The following RPL15 variants were observed in gnomAD, a reference collection of about 807,000 sequenced individuals.
RPL15 encodes the protein ribosomal protein L15, also known as large ribosomal subunit protein eL15.
For synonymous variants in RPL15, 97 were observed against 95.1 expected (o/e 1.02, Z -0.12); for missense variants, 161 against 271.8 (o/e 0.59, Z 2.87).
chr3:23,918,272 G>C, intron 2 of RPL15, 168 bp from the exon 3 acceptor site: 1 of 908,090 alleles, frequency 1.1e-6, no homozygotes, highest in Non-Finnish European at 1.6e-6. Context: ...CCCTGTGTGA[G>C]TAGCCTAAGG....
chr3:23,921,570 G>GTTGTGT, downstream of RPL15: 6 of 508,314 alleles, frequency 1.2e-5, no homozygotes, highest in East Asian at 7.1e-5. Flanking sequence ...TGATTATTGA[G>GTTGTGT]TTTTTTTTTT....
Position 23,920,294 on chromosome 3 carries a change from C to T in RPL15, c.*793C>T, listed in dbSNP as rs536813835. The T allele has an allele frequency of 3.0e-6, 3 of 985,654 alleles. No individual in the cohort carries two copies. Among genetic ancestry groups the T allele is most frequent in the Non-Finnish European group, 3.6e-6 (3 of 829,880 alleles). The allele number at this position is 985,654 out of a possible 1,614,324, so 61.1% of individuals were successfully genotyped here. ...GGAAAGTAGTTGGCTATAAGTACGTCATTCTTAGTCCAGTCAGTCTTAAAA... is the reference window on the plus strand; with the variant it reads ...GGAAAGTAGTTGGCTATAAGTACGTTATTCTTAGTCCAGTCAGTCTTAAAA... On this transcript the variant is annotated 3_prime_UTR_variant, in exon 4 of 4. Transcript: ENST00000307839.
At chr3:23,919,104 G>A (rs1244824255) in intron 3 of RPL15, 92 bp from the exon 4 acceptor site, 1 of 825,090 alleles carries the variant, frequency 1.2e-6, no homozygotes, top group Non-Finnish European at 2.0e-6. Flanking sequence ...CTCTTGTCTG[G>A]TGGTGAACTA....
At position 23,917,852 on chromosome 3, in the gene RPL15, A is replaced by T. The variant is rs372215459; in HGVS notation, c.-8A>T. The T allele has an allele frequency of 2.1e-5, 34 of 1,607,412 alleles. No individual in the cohort carries two copies. Among genetic ancestry groups the T allele is most frequent in the Non-Finnish European group, 2.9e-5 (34 of 1,177,748 alleles). ...TAATACACAGTTTGATTTCACAGGTAAGCCAAGATGGGTGCATACAAGTAC... is the reference window on the plus strand; with the variant it reads ...TAATACACAGTTTGATTTCACAGGTTAGCCAAGATGGGTGCATACAAGTAC... On this transcript the variant is annotated splice_region_variant and 5_prime_UTR_variant, in exon 2 of 4. Coordinates refer to ENST00000307839, the MANE Select transcript of RPL15 (RefSeq NM_002948.5).
At chr3:23,919,104 G>T (rs1244824255) in intron 3 of RPL15, 92 bp from the exon 4 acceptor site, 1 of 825,208 alleles carries the variant, frequency 1.2e-6, no homozygotes. Context: ...CTCTTGTCTG[G>T]TGGTGAACTA....
chr3:23,918,324 A>T, intron 2 of RPL15, 116 bp from the exon 3 acceptor site: 1 of 1,213,620 alleles, frequency 8.2e-7, no homozygotes, highest in African/African-American at 1.5e-5. Flanking sequence ...TTTTTCTATT[A>T]GATAGCATTA....
At chr3:23,919,120 G>C in intron 3 of RPL15, 76 bp from the exon 4 acceptor site, 1 of 988,090 alleles carries the variant, frequency 1.0e-6, no homozygotes, top group Non-Finnish European at 1.6e-6. Flanking sequence ...AACTAGAGTT[G>C]AGAATTAAAA....
chr3:23,919,360 C>T lies in RPL15; in HGVS notation c.474C>T (p.His158=). The change falls in exon 4 of 4, where the codon CAC becomes CAT. Residue 158 remains histidine (H), a synonymous_variant. Coordinates refer to ENST00000307839, the MANE Select transcript of RPL15 (RefSeq NM_002948.5). ...GGATCACCAAACCAGTCCACAAGCACAGGGAGATGCGTGGGCTGACATCTG... is the reference window on the plus strand; with the variant it reads ...GGATCACCAAACCAGTCCACAAGCATAGGGAGATGCGTGGGCTGACATCTG... ...TQWITKPVHK[H]REMRGLTSAG... is the part of the protein sequence containing the mutation. 4 of 1,602,692 alleles carry T rather than the reference C, an allele frequency of 2.5e-6. No homozygotes were observed. The highest frequency in any genetic ancestry group is 3.4e-6 in the Non-Finnish European group (4 of 1,179,910).
In RPL15 at chr3:23,920,978, C is replaced by T. The variant is rs940101524; in HGVS notation, c.*1477C>T. The T allele has an allele frequency of 6.3e-6, 1 of 158,430 alleles. No homozygotes were observed. Among genetic ancestry groups the T allele is most frequent in the African/African-American group, 2.4e-5 (1 of 41,536 alleles). 9.8% of individuals were successfully genotyped at this position (158,430 alleles called of 1,614,324 possible). ...ATAATTTGAGATAGCATAAAATGTA[C>T]TTATTCTCTCAGTTCTTTGATCATT... On this transcript the variant is annotated 3_prime_UTR_variant, in exon 4 of 4. Coordinates refer to ENST00000307839, the MANE Select transcript of RPL15 (RefSeq NM_002948.5).
At chr3:23,921,645 G>A, downstream of RPL15, 1 of 664,346 alleles carries the variant, frequency 1.5e-6, no homozygotes. Flanking sequence ...GGCAATCACG[G>A]CTCACTGCAA....
At position 23,918,099 on chromosome 3, in the gene RPL15, G is replaced by A. The variant is rs572260705; in HGVS notation, c.172+68G>A. On this transcript the variant is annotated intron_variant, in intron 2 of 3. Coordinates refer to ENST00000307839, the MANE Select transcript of RPL15 (RefSeq NM_002948.5). The stretch of plus-strand genomic sequence containing the variant: ...GAGAAAAGTTGGAAACCAGCTGTTA[G>A]GAAGACACTGCTGCCTCAGTGTCTT... The A allele has an allele frequency of 5.3e-5, 82 of 1,539,882 alleles. 2 individuals are homozygous for A. The South Asian group carries it at 9.8e-4, about 18-fold the overall frequency.
chr3:23,919,644 T>C lies in RPL15; in HGVS notation c.*143T>C. On this transcript the variant is annotated 3_prime_UTR_variant, in exon 4 of 4. Coordinates refer to ENST00000307839, the MANE Select transcript of RPL15 (RefSeq NM_002948.5). ...AATTAAGAAAGTTAAAGTGCAATAA[T>C]GTTTGAAGACAATAAGTGGTGGTGT... is the stretch of plus-strand genomic sequence containing the variant. The C allele has an allele frequency of 7.0e-7, 1 of 1,419,856 alleles. No individual in the cohort carries two copies. The highest frequency in any genetic ancestry group is 1.6e-5 in the South Asian group (1 of 62,134). The allele number at this position is 1,419,856 out of a possible 1,614,324, so 88.0% of individuals were successfully genotyped here.
At position 23,920,844 on chromosome 3, in the gene RPL15, C is replaced by G; in HGVS notation, c.*1343C>G. ...GGAATAAATGTCTATTAAACTAAAA[C>G]AAATGGACCTTCTGTTATTTTTTGT... On this transcript the variant is annotated 3_prime_UTR_variant, in exon 4 of 4. Transcript: ENST00000307839. 1.1e-6 allele frequency: 1 copy of G among 883,192 alleles called. No individual in the cohort carries two copies. Among genetic ancestry groups the G allele is most frequent in the South Asian group, 5.2e-5 (1 of 19,196 alleles). The allele number at this position is 883,192 out of a possible 1,614,324, so 54.7% of individuals were successfully genotyped here.
chr3:23,918,270 G>A, intron 2 of RPL15, 170 bp from the exon 3 acceptor site: 1 of 916,004 alleles, frequency 1.1e-6, no homozygotes, highest in Non-Finnish European at 1.6e-6. Flanking sequence ...CTCCCTGTGT[G>A]AGTAGCCTAA....
chr3:23,918,234 A>G, intron 2 of RPL15: 1 of 909,316 alleles, frequency 1.1e-6, no homozygotes, highest in Non-Finnish European at 1.6e-6. Flanking sequence ...GAATGAGTTC[A>G]GACTAAAGCA....
At position 23,919,899 on chromosome 3, in the gene RPL15, T is replaced by A; in HGVS notation, c.*398T>A. The A allele has an allele frequency of 1.0e-6, 1 of 993,710 alleles. No homozygotes were observed. The highest frequency in any genetic ancestry group is 1.2e-6 in the Non-Finnish European group (1 of 835,300). The allele number at this position is 993,710 out of a possible 1,614,324, so 61.6% of individuals were successfully genotyped here. The stretch of plus-strand genomic sequence containing the variant: ...TATTTTCAAGTGGCTGCGTTTTTTT[T>A]AGTTTGGCAGGTGTAGACTTTTTAA... On this transcript the variant is annotated 3_prime_UTR_variant, in exon 4 of 4. Transcript: ENST00000307839.
At chr3:23,919,020 A>C in intron 3 of RPL15, 176 bp from the exon 4 acceptor site, 1 of 609,356 alleles carries the variant, frequency 1.6e-6, no homozygotes, top group Non-Finnish European at 2.9e-6. Flanking sequence ...TTGTTTTAGC[A>C]AGTCTACATT....
intron 1 of RPL15, chr3:23,917,526 A>G (rs1704692305): frequency 4.3e-6 from 1 of 232,132 alleles, no homozygotes; most frequent in Admixed American, 5.7e-5. Flanking sequence ...TTGTCCTGTG[A>G]TGTCAGCGGC....
Position 23,917,850 on chromosome 3 carries a change from G to A in RPL15, c.-10G>A. 1.2e-6 allele frequency: 2 copies of A among 1,607,498 alleles called. No homozygotes were observed. The highest frequency in any genetic ancestry group is 1.7e-6 in the Non-Finnish European group (2 of 1,177,690). On this transcript the variant is annotated splice_region_variant and 5_prime_UTR_variant, in exon 2 of 4. Coordinates refer to ENST00000307839, the MANE Select transcript of RPL15 (RefSeq NM_002948.5). Reference sequence around the variant, plus strand: ...TTTAATACACAGTTTGATTTCACAGGTAAGCCAAGATGGGTGCATACAAGT... The same window carrying A: ...TTTAATACACAGTTTGATTTCACAGATAAGCCAAGATGGGTGCATACAAGT...
Sources: gnomAD v4.1 joint callset for allele counts on GRCh38, gnomAD v4.1.1 for gene constraint, MANE v1.5 for transcripts, NCBI Gene and HGNC (gene_info 2026-07-23, HGNC 2026-07-21) for gene names.